Variants in UST observed in about 807,000 individuals in gnomAD.
The protein encoded by UST is uronyl 2-sulfotransferase.
Under a neutral mutation model 45.6 loss-of-function variants are expected in UST, and 21 were observed. The ratio of observed to expected loss-of-function variants is 0.46; its 90% CI spans 0.33 to 0.66. UST has a LOEUF of 0.66. UST is among the 30% of genes least tolerant of loss of function. The pLI is 0.02. For synonymous variants in UST, 215 were observed against 200.6 expected (o/e 1.07, Z -0.61); for missense variants, 463 against 512.4 (o/e 0.90, Z 0.93).
Position 148,747,333 on chromosome 6 carries a change from C to T in UST, c.-98C>T. On this transcript the variant is annotated 5_prime_UTR_variant, in exon 1 of 8. Transcript: ENST00000367463. ...CCACCCGGCTGCCCTCCGCGCGGCC[C>T]TCCCCATGTGCAGCCGGCCAGCCGG... 1 of 1,326,770 alleles carries T rather than the reference C, an allele frequency of 7.5e-7. No homozygotes were observed. Among genetic ancestry groups the T allele is most frequent in the Non-Finnish European group, 9.7e-7 (1 of 1,032,720 alleles). The allele number at this position is 1,326,770 out of a possible 1,614,324, so 82.2% of individuals were successfully genotyped here.
At chr6:148,913,479 A>C (rs1000119795) in intron 2 of UST, among the ~76,000 whole-genome samples, 1 of 136,926 alleles carries the variant, frequency 7.3e-6, no homozygotes, top group Non-Finnish European at 1.5e-5. Flanking sequence ...AACCAGTTAG[A>C]ATGGATCAGA....
At chr6:148,811,434 C>T (rs1336064937) in intron 1 of UST, among the ~76,000 whole-genome samples, 6 of 152,192 alleles carry the variant, frequency 3.9e-5, no homozygotes. Flanking sequence ...CTCTGCTTCT[C>T]AATGTCTTAT....
At chr6:148,940,302 C>T (rs1202945460) in intron 2 of UST, among the ~76,000 whole-genome samples, 1 of 150,824 alleles carries the variant, frequency 6.6e-6, no homozygotes, top group African/African-American at 2.4e-5. Context: ...GCTTGGGCAA[C>T]ATGGTGAAAC....
chr6:148,976,569 C>T (rs909772689), intron 5 of UST, among the ~76,000 whole-genome samples: 16 of 152,166 alleles, frequency 1.1e-4, no homozygotes, highest in African/African-American at 3.6e-4. Flanking sequence ...TGTCATCATA[C>T]GTTTTTATCT....
intron 7 of UST, among the ~76,000 whole-genome samples, chr6:149,060,502 C>A (rs1489793584): frequency 6.6e-6 from 1 of 152,224 alleles, no homozygotes; most frequent in East Asian, 1.9e-4. Context: ...TCTCTTTGAA[C>A]TGTATGGCCT....
chr6:148,858,709 C>T (rs1778251373), intron 1 of UST, among the ~76,000 whole-genome samples: 1 of 152,044 alleles, frequency 6.6e-6, no homozygotes, highest in African/African-American at 2.4e-5. Context: ...CATGTGTTCT[C>T]ATTGTTCAGT....
intron 7 of UST, among the ~76,000 whole-genome samples, chr6:149,039,687 T>A (rs1430429519): frequency 1.3e-5 from 2 of 152,168 alleles, no homozygotes; most frequent in African/African-American, 4.8e-5. Context: ...CTTTTTCTAT[T>A]TTTGTGATCA....
At chr6:149,058,561 T>C (rs1055571264) in intron 7 of UST, among the ~76,000 whole-genome samples, 1 of 152,166 alleles carries the variant, frequency 6.6e-6, no homozygotes, top group Non-Finnish European at 1.5e-5. Context: ...GCAATAGTAT[T>C]TCTCTTGATC....
chr6:148,888,355 A>G (rs1778949487), intron 2 of UST, among the ~76,000 whole-genome samples: 2 of 152,164 alleles, frequency 1.3e-5, no homozygotes, highest in Admixed American at 6.5e-5. Context: ...GGGGATGACA[A>G]TTAGACATGA....
chr6:149,073,975 C>T lies in UST; in HGVS notation c.1080C>T (p.Arg360=), dbSNP rs1425268631. The change falls in exon 8 of 8, where the codon CGC becomes CGT. Residue 360 remains arginine, a synonymous_variant. Coordinates refer to ENST00000367463, the MANE Select transcript of UST (RefSeq NM_005715.3). ...YVKEQFHLLK[R]KFGLKSHVSK... is the part of the protein sequence containing the mutation. ...AAGAGCAGTTCCACCTGCTGAAGCG[C>T]AAGTTTGGACTTAAGTCTCACGTCA... 1 of 1,614,018 alleles carries T rather than the reference C, an allele frequency of 6.2e-7. No individual in the cohort carries two copies. Among genetic ancestry groups the T allele is most frequent in the East Asian group, 2.2e-5 (1 of 44,894 alleles).
Position 148,846,200 on chromosome 6 carries a change from A to G in UST, c.248-40786A>G, listed in dbSNP as rs556161108. On this transcript the variant is annotated intron_variant, in intron 1 of 7. Coordinates refer to ENST00000367463, the MANE Select transcript of UST (RefSeq NM_005715.3). Reference sequence around the variant, plus strand: ...TAGCAAAGACTTGGAACCAACCCAAATGTCCAACAATGATAGACTGGATTA... The same window carrying G: ...TAGCAAAGACTTGGAACCAACCCAAGTGTCCAACAATGATAGACTGGATTA... 1.1e-4 allele frequency among the ~76,000 whole-genome samples: 16 copies of G among 151,302 alleles called. No homozygotes were observed. In the East Asian group the frequency reaches 3.1e-3, roughly 29 times the overall value.
intron 7 of UST, 146 bp from the exon 8 acceptor site, chr6:149,073,687 A>C: frequency 2.2e-6 from 2 of 920,024 alleles, no homozygotes; most frequent in Non-Finnish European, 3.2e-6. Context: ...AAATATTGTC[A>C]GGAACCCTTC....
intron 1 of UST, among the ~76,000 whole-genome samples, chr6:148,770,029 G>A (rs1390461610): frequency 6.6e-6 from 1 of 151,996 alleles, no homozygotes; most frequent in Non-Finnish European, 1.5e-5. Flanking sequence ...TGTAAAGAAC[G>A]ATTAAGAGTT....
intron 5 of UST, among the ~76,000 whole-genome samples, chr6:149,011,678 G>A (rs941059528): frequency 2.6e-5 from 4 of 152,146 alleles, no homozygotes; most frequent in Non-Finnish European, 5.9e-5. Flanking sequence ...GGGTGTGGGT[G>A]GCATGTGCCT....
At chr6:148,851,739 T>C (rs1267638971) in intron 1 of UST, among the ~76,000 whole-genome samples, 2 of 152,208 alleles carry the variant, frequency 1.3e-5, no homozygotes, top group Non-Finnish European at 2.9e-5. Flanking sequence ...GATCAGAACA[T>C]CTGGGTTCGT....
intron 1 of UST, among the ~76,000 whole-genome samples, chr6:148,821,793 C>T (rs1000678658): frequency 3.9e-5 from 6 of 152,270 alleles, no homozygotes; most frequent in African/African-American, 1.4e-4. Context: ...TTTTCTCCCC[C>T]GTTTACTTAT....
intron 1 of UST, among the ~76,000 whole-genome samples, chr6:148,882,486 CA>C (rs397741900): frequency 0.28 from 20,600 of 73,560 alleles, 1,090 homozygotes; most frequent in African/African-American, 0.34. Context: ...AACTCCATCT[CA>C]AAAAAAAAAA....
chr6:149,005,095 A>G (rs1050706368), intron 5 of UST, among the ~76,000 whole-genome samples: 6 of 152,162 alleles, frequency 3.9e-5, no homozygotes, highest in African/African-American at 1.4e-4. Flanking sequence ...GGCCTAGAGC[A>G]ATGATTCTCA....
chr6:149,072,335 T>C (rs6928184), intron 7 of UST, among the ~76,000 whole-genome samples: 6,172 of 152,232 alleles, frequency 0.041, 416 homozygotes, highest in African/African-American at 0.14. Flanking sequence ...ATCTATACAA[T>C]GGAATGTTAT....
Sources: gnomAD v4.1 joint callset for allele counts (sites outside exome capture counted in the v4.1 genomes callset) on GRCh38, gnomAD v4.1.1 for gene constraint, MANE v1.5 for transcripts, NCBI Gene and HGNC (gene_info 2026-07-23, HGNC 2026-07-21) for gene names.